The following C12orf42 variants were observed in gnomAD, a reference collection of about 807,000 sequenced individuals.
C12orf42 encodes uncharacterized protein C12orf42.
C12orf42 carries 25 observed loss-of-function variants against 21.6 expected under a neutral mutation model. The observed-to-expected ratio is 1.16, with a 90% confidence interval of 0.84 to 1.62. The LOEUF (loss-of-function observed/expected upper bound fraction) is 1.62. Among genes scored for constraint, C12orf42 ranks in the 40% most tolerant of loss-of-function variants. The probability of loss-of-function intolerance (pLI) is 0.00; values close to 1 mark genes in which losing one functional copy is unlikely to be tolerated. For missense variants in C12orf42, 483 were observed against 459.3 expected, an observed-to-expected ratio of 1.05 and a Z score of -0.47; for synonymous variants, 174 against 175.0, an observed-to-expected ratio of 0.99 and a Z score of 0.05.
At chr12:103,265,656 G>A (rs2035128614), downstream of C12orf42, among the ~76,000 whole-genome samples, 1 of 152,244 alleles carries the variant, frequency 6.6e-6, no homozygotes, top group African/African-American at 2.4e-5. Context: ...GCATTAGCAG[G>A]AGCCATTCCA....
upstream of C12orf42, among the ~76,000 whole-genome samples, chr12:103,500,427 TGC>T (rs1315783153): frequency 6.6e-6 from 1 of 152,174 alleles, no homozygotes; most frequent in Non-Finnish European, 1.5e-5. Context: ...TAGTTACAAT[TGC>T]CCAGTAAAAG....
At chr12:103,513,630 A>C in the C12orf42 span, among the ~76,000 whole-genome samples, 1 of 151,994 alleles carries the variant, frequency 6.6e-6, no homozygotes, top group Non-Finnish European at 1.5e-5. Context: ...TTATAATCCA[A>C]CTCTGGACCT....
At chr12:103,525,339 T>G in the C12orf42 span, among the ~76,000 whole-genome samples, 2 of 151,892 alleles carry the variant, frequency 1.3e-5, no homozygotes, top group African/African-American at 4.8e-5. Context: ...TATGAAATTC[T>G]GGAATCTTAA....
At chr12:103,066,389 C>T in the C12orf42 span, among the ~76,000 whole-genome samples, 1 of 152,194 alleles carries the variant, frequency 6.6e-6, no homozygotes, top group Non-Finnish European at 1.5e-5. Flanking sequence ...CCACTCCTGC[C>T]ACCCTGCCTT....
chr12:103,347,581 T>G (rs1017231222), intron 4 of C12orf42, among the ~76,000 whole-genome samples: 1 of 152,138 alleles, frequency 6.6e-6, no homozygotes, highest in Non-Finnish European at 1.5e-5. Context: ...AAGTGAAAAT[T>G]CATTATTCAA....
chr12:103,171,751 CCCA>C, the C12orf42 span, among the ~76,000 whole-genome samples: 58 of 152,112 alleles, frequency 3.8e-4, 3 homozygotes, highest in East Asian at 0.01. Context: ...AGCCTTGGGG[CCCA>C]CCTACGCCTA....
At chr12:103,132,854 A>G in the C12orf42 span, among the ~76,000 whole-genome samples, 32 of 152,322 alleles carry the variant, frequency 2.1e-4, no homozygotes, top group African/African-American at 6.7e-4. Context: ...AACGTCTGGC[A>G]TAAGTCTGTT....
At chr12:103,527,411 G>T in the C12orf42 span, among the ~76,000 whole-genome samples, 1 of 152,128 alleles carries the variant, frequency 6.6e-6, no homozygotes, top group Non-Finnish European at 1.5e-5. Context: ...GAAGGAGTTT[G>T]GGTCATGGAG....
intron 4 of C12orf42, among the ~76,000 whole-genome samples, chr12:103,355,346 TGTC>T (rs2043449102): frequency 6.6e-6 from 1 of 152,140 alleles, no homozygotes; most frequent in Non-Finnish European, 1.5e-5. Flanking sequence ...CATACACTCT[TGTC>T]TGCATATACT....
At chr12:103,392,418 G>C (rs2047157146) in intron 3 of C12orf42, among the ~76,000 whole-genome samples, 1 of 152,094 alleles carries the variant, frequency 6.6e-6, no homozygotes, top group Non-Finnish European at 1.5e-5. Context: ...AGATCACTTT[G>C]GGTAGTACTA....
chr12:103,311,897 C>T (rs1192514403), intron 4 of C12orf42, among the ~76,000 whole-genome samples: 1 of 152,172 alleles, frequency 6.6e-6, no homozygotes, highest in Non-Finnish European at 1.5e-5. Context: ...AGCTACTGAT[C>T]TCAGTCACTC....
At chr12:103,282,988 T>G (rs1462214845) in intron 4 of C12orf42, among the ~76,000 whole-genome samples, 1 of 152,204 alleles carries the variant, frequency 6.6e-6, no homozygotes, top group Admixed American at 6.5e-5. Flanking sequence ...AAATGACACA[T>G]GCACACACAC....
chr12:103,132,200 A>C, the C12orf42 span, among the ~76,000 whole-genome samples: 1 of 152,200 alleles, frequency 6.6e-6, no homozygotes, highest in Admixed American at 6.5e-5. Context: ...CTGAATTAGC[A>C]GGTAGGTAAT....
chr12:103,273,779 A>C, intron 5 of C12orf42: 1 of 447,256 alleles, frequency 2.2e-6, no homozygotes, highest in Non-Finnish European at 4.5e-6. Flanking sequence ...AAAGAGAAGC[A>C]CTTGTCTTTT....
At chr12:103,167,907 T>G in the C12orf42 span, 1 of 268,498 alleles carries the variant, frequency 3.7e-6, no homozygotes, top group East Asian at 1.8e-4. Flanking sequence ...TGTGTGTGTG[T>G]GTGTGTTTGT....
the C12orf42 span, among the ~76,000 whole-genome samples, chr12:103,058,931 A>T: frequency 6.6e-6 from 1 of 152,170 alleles, no homozygotes; most frequent in African/African-American, 2.4e-5. Context: ...CTAGAGAAAC[A>T]AGAGCAAACT....
intron 1 of C12orf42, among the ~76,000 whole-genome samples, chr12:103,495,037 G>A (rs1046088613): frequency 5.3e-5 from 8 of 152,192 alleles, no homozygotes; most frequent in Non-Finnish European, 1.0e-4. Flanking sequence ...AAGTGTCAAG[G>A]CCAGCTCTAG....
the C12orf42 span, among the ~76,000 whole-genome samples, chr12:103,168,597 G>T: frequency 2.6e-5 from 4 of 152,168 alleles, no homozygotes; most frequent in Admixed American, 2.6e-4. Flanking sequence ...TTTATTGAGT[G>T]CTTACTAGGT....
At chr12:103,385,540 G>A (rs1354482541) in intron 3 of C12orf42, among the ~76,000 whole-genome samples, 14 of 150,216 alleles carry the variant, frequency 9.3e-5, no homozygotes, top group South Asian at 4.3e-4. Flanking sequence ...TGAAAGCTTC[G>A]CAGGTAAAAC....
Sources: gnomAD v4.1 joint callset for allele counts (sites outside exome capture counted in the v4.1 genomes callset) on GRCh38, gnomAD v4.1.1 for gene constraint, MANE v1.5 for transcripts, NCBI Gene and HGNC (gene_info 2026-07-23, HGNC 2026-07-21) for gene names.